The following SNX24 variants were observed in gnomAD, a reference collection of about 807,000 sequenced individuals.
SNX24 encodes sorting nexin-24.
Under a neutral mutation model 28.7 loss-of-function variants are expected in SNX24, and 22 were observed. That is an observed-to-expected ratio of 0.77 (90% CI 0.55 to 1.10). The LOEUF (loss-of-function observed/expected upper bound fraction) is 1.10, where lower values mean the gene tolerates loss of function less well. Among genes scored for constraint, SNX24 ranks in the 50% least tolerant of loss-of-function variants. SNX24 has a pLI of 0.00. For missense variants in SNX24, 221 were observed against 201.1 expected (o/e 1.10, Z -0.60); for synonymous variants, 69 against 71.5 (o/e 0.96, Z 0.18).
At chr5:122,992,380 G>GA (rs1456109295) in intron 3 of SNX24, among the ~76,000 whole-genome samples, 2 of 152,116 alleles carry the variant, frequency 1.3e-5, no homozygotes, top group African/African-American at 2.4e-5. Flanking sequence ...ACAGAGAAAA[G>GA]AAAAAAATCC....
chr5:123,015,973 T>C (rs924644071), intron 5 of SNX24, among the ~76,000 whole-genome samples: 1 of 152,170 alleles, frequency 6.6e-6, no homozygotes, highest in Non-Finnish European at 1.5e-5. Context: ...ATAAAAAATA[T>C]ACCATTCACT....
chr5:122,951,887 C>T (rs537278256), intron 3 of SNX24, among the ~76,000 whole-genome samples: 1 of 152,248 alleles, frequency 6.6e-6, no homozygotes, highest in Admixed American at 6.5e-5. Context: ...ATGGGGTGCG[C>T]AGGGAAGCTG....
intron 6 of SNX24, among the ~76,000 whole-genome samples, chr5:123,006,246 G>A (rs1369500804): frequency 1.3e-5 from 2 of 152,170 alleles, no homozygotes; most frequent in African/African-American, 4.8e-5. Flanking sequence ...AGACAGAGTT[G>A]ATGATCTTCT....
chr5:122,921,357 G>T (rs899446701), intron 1 of SNX24, among the ~76,000 whole-genome samples: 1 of 152,162 alleles, frequency 6.6e-6, no homozygotes, highest in Non-Finnish European at 1.5e-5. Flanking sequence ...CACCTAGAGA[G>T]CAAATATTTG....
intron 1 of SNX24, among the ~76,000 whole-genome samples, chr5:122,852,889 C>T (rs949937501): frequency 1.5e-4 from 23 of 152,050 alleles, no homozygotes; most frequent in African/African-American, 5.3e-4. Context: ...TGTCACCAAA[C>T]CCCTCAGGCA....
downstream of SNX24, among the ~76,000 whole-genome samples, chr5:123,013,603 A>G (rs552033564): frequency 4.6e-5 from 7 of 152,328 alleles, no homozygotes; most frequent in Non-Finnish European, 8.8e-5. Flanking sequence ...CATATTATCT[A>G]TGTTAAGTCA....
chr5:122,911,245 C>T lies in SNX24; in HGVS notation c.61-25489C>T, dbSNP rs369125015. 1.6e-3 allele frequency among the ~76,000 whole-genome samples: 237 copies of T among 152,242 alleles called. 2 individuals carry two copies. The highest frequency in any genetic ancestry group is 5.6e-3 in the African/African-American group (234 of 41,546). On this transcript the variant is annotated intron_variant, in intron 1 of 6. Transcript: ENST00000261369. ...TGATGATGAGCATTTTTTCATGTGT[C>T]TTTTGGCTGCATAAATGTCTTCTTT...
rs1018112855 is a variant in SNX24, at chr5:122,913,477, C to T, written c.61-23257C>T. Among the ~76,000 whole-genome samples, 56 of 152,036 alleles carry T rather than the reference C, an allele frequency of 3.7e-4. 1 individual carries two copies. The highest frequency in any genetic ancestry group is 2.1e-3 in the South Asian group (10 of 4,800). On this transcript the variant is annotated intron_variant, in intron 1 of 6. Coordinates refer to ENST00000261369, the MANE Select transcript of SNX24 (RefSeq NM_014035.4). ...CCTCCCTTCCGGACGGGGTGGCTGC[C>T]TGGCGTAGACGCTCCTCACTTCCCA...
intron 3 of SNX24, among the ~76,000 whole-genome samples, chr5:122,988,057 C>T (rs189432052): frequency 6.6e-6 from 1 of 152,276 alleles, no homozygotes; most frequent in Non-Finnish European, 1.5e-5. Flanking sequence ...CCAGGTACTT[C>T]CCTGCCCCCC....
intron 1 of SNX24, among the ~76,000 whole-genome samples, chr5:122,851,123 C>T (rs894460837): frequency 6.6e-6 from 1 of 152,116 alleles, no homozygotes; most frequent in Non-Finnish European, 1.5e-5. Flanking sequence ...CTACTTAGGT[C>T]ACAATACAAA....
chr5:123,000,849 T>TGAAGGAACCACACTTAACTACAA (rs1235243271), intron 4 of SNX24, among the ~76,000 whole-genome samples: 2 of 152,168 alleles, frequency 1.3e-5, no homozygotes, highest in Non-Finnish European at 2.9e-5. Context: ...TCTTGCTGCC[T>TGAAGGAACCACACTTAACTACAA]GAAGGAACCA....
chr5:123,002,096 A>G (rs762772344), intron 6 of SNX24, 92 bp downstream of exon 6: 13 of 995,748 alleles, frequency 1.3e-5, no homozygotes, highest in South Asian at 3.8e-5. Flanking sequence ...ACAGAGTGAC[A>G]TTGGTCCCGG....
At chr5:122,965,816 G>A (rs1436936574) in intron 3 of SNX24, among the ~76,000 whole-genome samples, 3 of 152,192 alleles carry the variant, frequency 2.0e-5, no homozygotes, top group African/African-American at 4.8e-5. Flanking sequence ...ACTAAATGCT[G>A]TGATGTTTCC....
At chr5:122,908,129 T>G (rs1757726633) in intron 1 of SNX24, among the ~76,000 whole-genome samples, 1 of 152,222 alleles carries the variant, frequency 6.6e-6, no homozygotes, top group Admixed American at 6.5e-5. Flanking sequence ...CACGATATAA[T>G]GAAGTTGTAT....
At chr5:122,915,410 G>C (rs1018128092) in intron 1 of SNX24, among the ~76,000 whole-genome samples, 2 of 152,118 alleles carry the variant, frequency 1.3e-5, no homozygotes, top group Non-Finnish European at 2.9e-5. Flanking sequence ...GTGATTGCTT[G>C]AGCCCAGGAG....
intron 6 of SNX24, among the ~76,000 whole-genome samples, chr5:123,007,192 C>T (rs1762448645): frequency 6.6e-6 from 1 of 152,202 alleles, no homozygotes; most frequent in Admixed American, 6.5e-5. Context: ...GACTGACCCC[C>T]ATCTTACTGC....
chr5:122,928,235 A>G (rs1758787641), intron 1 of SNX24, among the ~76,000 whole-genome samples: 2 of 152,058 alleles, frequency 1.3e-5, no homozygotes, highest in South Asian at 2.1e-4. Context: ...TGCCTGGACC[A>G]ACCTCCTCCC....
chr5:122,942,015 C>A (rs1260945583), intron 2 of SNX24, among the ~76,000 whole-genome samples: 2 of 152,184 alleles, frequency 1.3e-5, no homozygotes, highest in Non-Finnish European at 2.9e-5. Context: ...CCTGTCCACA[C>A]CCCACTATGG....
chr5:122,987,734 A>G (rs542390707), intron 3 of SNX24, among the ~76,000 whole-genome samples: 1 of 152,338 alleles, frequency 6.6e-6, no homozygotes, highest in South Asian at 2.1e-4. Context: ...CTGGGTCAGT[A>G]GATTGGAAGT....
Sources: allele counts gnomAD v4.1 joint callset (sites outside exome capture counted in the v4.1 genomes callset), GRCh38; gene constraint gnomAD v4.1.1; transcripts MANE v1.5; gene names NCBI Gene and HGNC (gene_info 2026-07-23, HGNC 2026-07-21).